Variants in DLG1 observed in about 807,000 individuals in gnomAD.
The protein encoded by DLG1 is discs large MAGUK scaffold protein 1.
A neutral mutation model predicts 123.4 loss-of-function variants in DLG1; 42 were observed. The observed-to-expected ratio is 0.34, with a 90% confidence interval of 0.27 to 0.44. DLG1 has a LOEUF of 0.44. Among genes scored for constraint, DLG1 ranks in the 20% least tolerant of loss-of-function variants. The probability of loss-of-function intolerance (pLI) is 1.00; values close to 1 mark genes in which losing one functional copy is unlikely to be tolerated. For synonymous variants in DLG1, 317 were observed against 356.2 expected, an observed-to-expected ratio of 0.89 and a Z score of 1.24; for missense variants, 942 against 1,082.6, an observed-to-expected ratio of 0.87 and a Z score of 1.82.
At chr3:197,087,167 C>T (rs1421028666) in intron 15 of DLG1, among the ~76,000 whole-genome samples, 5 of 152,200 alleles carry the variant, frequency 3.3e-5, no homozygotes, top group Non-Finnish European at 5.9e-5. Context: ...GAGTTAACCA[C>T]TATTAGAATG....
intron 5 of DLG1, among the ~76,000 whole-genome samples, chr3:197,150,596 G>C (rs1480743848): frequency 6.6e-6 from 1 of 151,976 alleles, no homozygotes; most frequent in East Asian, 1.9e-4. Flanking sequence ...CACTTTCAGA[G>C]AATAAAAAAG....
rs371131245 is a variant in DLG1, at chr3:197,165,228, T to C, written c.484-15432A>G. ...GCAAGGGGAAGGATGGGAGATCCAT[T>C]GTGAATATTAACAGAAAAACAATTA... On this transcript the variant is annotated intron_variant, in intron 5 of 24. Coordinates refer to ENST00000667157, the MANE Select transcript of DLG1 (RefSeq NM_001366207.1). Among the ~76,000 whole-genome samples the C allele has an allele frequency of 1.4e-3, 216 of 152,314 alleles. 2 individuals carry two copies. Among genetic ancestry groups the C allele is most frequent in the African/African-American group, 4.9e-3 (202 of 41,574 alleles).
intron 24 of DLG1, among the ~76,000 whole-genome samples, chr3:197,049,667 G>A (rs1182082586): frequency 2.2e-5 from 3 of 133,920 alleles, no homozygotes; most frequent in Admixed American, 7.8e-5. Flanking sequence ...CAGGAGAATC[G>A]CTTGAACCCG....
In DLG1 at chr3:197,064,489, G is replaced by A. The variant is rs182588536; in HGVS notation, c.2373+787C>T. On this transcript the variant is annotated intron_variant, in intron 22 of 24. Coordinates refer to ENST00000667157, the MANE Select transcript of DLG1 (RefSeq NM_001366207.1). Reference sequence around the variant, plus strand: ...ATTACAGGCGTGAGCCACCGCACCCGGCCTTTACATTTCTTTAATAATGAC... The same window carrying A: ...ATTACAGGCGTGAGCCACCGCACCCAGCCTTTACATTTCTTTAATAATGAC... Among the ~76,000 whole-genome samples, 18 of 152,228 alleles carry A rather than the reference G, an allele frequency of 1.2e-4. 1 individual carries two copies. Among genetic ancestry groups the A allele is most frequent in the Admixed American group, 7.2e-4 (11 of 15,298 alleles).
At chr3:197,242,873 G>A (rs1749663834) in intron 4 of DLG1, among the ~76,000 whole-genome samples, 2 of 152,122 alleles carry the variant, frequency 1.3e-5, no homozygotes, top group Non-Finnish European at 2.9e-5. Flanking sequence ...GGAGGTCACA[G>A]CAGGATTGCT....
At chr3:197,121,370 A>G (rs1776276549) in intron 11 of DLG1, among the ~76,000 whole-genome samples, 1 of 152,168 alleles carries the variant, frequency 6.6e-6, no homozygotes, top group East Asian at 1.9e-4. Context: ...TATTAAGATG[A>G]ATGATTCAAC....
rs1169301879 is a variant in DLG1 at position 197,044,618 on chromosome 3, A to G, written c.*5T>C. ...TGGAAAAGAGAAACAGAGAAACATGAGTTTTCATAGCTTTTCTTTTGCCGG... is the reference window on the plus strand; with the variant it reads ...TGGAAAAGAGAAACAGAGAAACATGGGTTTTCATAGCTTTTCTTTTGCCGG... On this transcript the variant is annotated 3_prime_UTR_variant, in exon 25 of 25. Transcript: ENST00000667157. 6.3e-7 allele frequency: 1 copy of G among 1,581,372 alleles called. No homozygotes were observed. The highest frequency in any genetic ancestry group is 8.7e-7 in the Non-Finnish European group (1 of 1,154,004).
intron 5 of DLG1, among the ~76,000 whole-genome samples, chr3:197,150,593 A>G (rs1158840600): frequency 2.0e-5 from 3 of 152,178 alleles, no homozygotes; most frequent in Non-Finnish European, 2.9e-5. Flanking sequence ...TAACACTTTC[A>G]GAGAATAAAA....
intron 3 of DLG1, among the ~76,000 whole-genome samples, chr3:197,284,444 T>C (rs546450229): frequency 2.0e-5 from 3 of 152,294 alleles, no homozygotes; most frequent in African/African-American, 7.2e-5. Context: ...TAGTATAAAA[T>C]GATAGTCTTT....
At chr3:197,237,498 C>A (rs946551842) in intron 4 of DLG1, among the ~76,000 whole-genome samples, 2 of 152,158 alleles carry the variant, frequency 1.3e-5, no homozygotes, top group Admixed American at 1.3e-4. Context: ...TGCTCTATTC[C>A]AGCTAAACAC....
At chr3:197,062,476 G>A (rs908816283) in intron 22 of DLG1, among the ~76,000 whole-genome samples, 1 of 152,094 alleles carries the variant, frequency 6.6e-6, no homozygotes, top group African/African-American at 2.4e-5. Flanking sequence ...TTTACTCTAT[G>A]TATTATAATA....
At chr3:197,107,388 C>CA (rs1165670362) in intron 13 of DLG1, among the ~76,000 whole-genome samples, 2 of 151,908 alleles carry the variant, frequency 1.3e-5, no homozygotes, top group African/African-American at 2.4e-5. Flanking sequence ...ACTAAAAATA[C>CA]AAAAAAATTA....
chr3:197,231,708 A>C (rs76227681), intron 4 of DLG1, among the ~76,000 whole-genome samples: 3 of 144,148 alleles, frequency 2.1e-5, no homozygotes, highest in African/African-American at 2.5e-5. Context: ...AAAAAAAAAA[A>C]AACAACAAAA....
At chr3:197,197,191 T>C (rs970204082) in intron 4 of DLG1, among the ~76,000 whole-genome samples, 6 of 152,220 alleles carry the variant, frequency 3.9e-5, no homozygotes. Context: ...TGCTTCCGTA[T>C]TTCCTGTAAA....
rs571430505 is a variant in DLG1 at position 197,294,738 on chromosome 3, AG to A, written c.151+1607del. On this transcript the variant is annotated intron_variant, in intron 3 of 24. Transcript: ENST00000667157. ...ACGTAAGAATAGACACATTCAAAAC[AG>A]GCAAGGCAGAATAGGTCAAAAATGT... Among the ~76,000 whole-genome samples the A allele has an allele frequency of 2.0e-4, 30 of 152,118 alleles. No homozygotes were observed. The South Asian group carries it at 6.2e-3, about 32-fold the overall frequency.
chr3:197,176,255 T>C (rs1807023457), intron 5 of DLG1, among the ~76,000 whole-genome samples: 1 of 152,052 alleles, frequency 6.6e-6, no homozygotes, highest in African/African-American at 2.4e-5. Flanking sequence ...ACATAAACTA[T>C]CCATAATCAA....
At chr3:197,142,684 C>G in intron 7 of DLG1, 34 bp downstream of exon 7, 2 of 1,516,946 alleles carry the variant, frequency 1.3e-6, no homozygotes, top group Non-Finnish European at 1.8e-6. Flanking sequence ...TTACAAAGTT[C>G]TCTAGAACAA....
chr3:197,142,494 T>C (rs910681715), intron 7 of DLG1, among the ~76,000 whole-genome samples: 11 of 152,170 alleles, frequency 7.2e-5, no homozygotes, highest in Admixed American at 4.6e-4. Context: ...TCTTTACAAC[T>C]TCTTTGTAAA....
intron 11 of DLG1, among the ~76,000 whole-genome samples, chr3:197,120,653 G>A (rs1462369924): frequency 6.6e-6 from 1 of 152,178 alleles, no homozygotes; most frequent in Non-Finnish European, 1.5e-5. Context: ...GTACAAAAAT[G>A]CAGGAATTAT....
Sources: gnomAD v4.1 joint callset for allele counts (sites outside exome capture counted in the v4.1 genomes callset) on GRCh38, gnomAD v4.1.1 for gene constraint, MANE v1.5 for transcripts, NCBI Gene and HGNC (gene_info 2026-07-23, HGNC 2026-07-21) for gene names.